Variants in PLXDC2 observed in about 807,000 individuals in gnomAD.
PLXDC2 encodes the protein plexin domain containing 2.
Under a neutral mutation model 68.9 loss-of-function variants are expected in PLXDC2, and 40 were observed. That is an observed-to-expected ratio of 0.58 (90% CI 0.45 to 0.76). The LOEUF (loss-of-function observed/expected upper bound fraction) is 0.76. Among genes scored for constraint, PLXDC2 ranks in the 30% least tolerant of loss-of-function variants. PLXDC2 has a pLI of 0.00. For missense variants in PLXDC2, 644 were observed against 661.9 expected (o/e 0.97, Z 0.30); for synonymous variants, 243 against 234.2 (o/e 1.04, Z -0.34).
intron 2 of PLXDC2, among the ~76,000 whole-genome samples, chr10:20,002,508 G>A (rs563480599): frequency 8.5e-5 from 13 of 152,112 alleles, no homozygotes; most frequent in East Asian, 1.9e-4. Flanking sequence ...ATCCACCCAC[G>A]AAGGCCTCCC....
intron 9 of PLXDC2, among the ~76,000 whole-genome samples, chr10:20,184,984 A>T (rs892037662): frequency 2.0e-5 from 3 of 151,628 alleles, no homozygotes; most frequent in African/African-American, 7.3e-5. Context: ...AACATCACAC[A>T]CTGGGACCCG....
intron 10 of PLXDC2, among the ~76,000 whole-genome samples, chr10:20,213,854 CTCTT>C (rs908508473): frequency 3.9e-5 from 6 of 152,114 alleles, no homozygotes; most frequent in African/African-American, 1.4e-4. Flanking sequence ...CTTCTCCACT[CTCTT>C]TATTTTCACC....
intron 2 of PLXDC2, among the ~76,000 whole-genome samples, chr10:20,017,611 A>C (rs187349931): frequency 1.3e-3 from 191 of 152,336 alleles, no homozygotes; most frequent in African/African-American, 4.2e-3. Flanking sequence ...CTCCGAACAG[A>C]ATTCATCCGA....
At chr10:19,892,911 T>C (rs187623787) in intron 1 of PLXDC2, among the ~76,000 whole-genome samples, 479 of 150,866 alleles carry the variant, frequency 3.2e-3, no homozygotes, top group Admixed American at 7.3e-3. Context: ...GTTGGCCTAG[T>C]TGAAATGGTC....
intron 1 of PLXDC2, among the ~76,000 whole-genome samples, chr10:19,864,657 T>A (rs1837380735): frequency 6.6e-6 from 1 of 152,210 alleles, no homozygotes; most frequent in African/African-American, 2.4e-5. Context: ...TTATTATATG[T>A]GCTACTGTTA....
At chr10:19,887,968 A>G (rs1024502746) in intron 1 of PLXDC2, among the ~76,000 whole-genome samples, 1 of 152,246 alleles carries the variant, frequency 6.6e-6, no homozygotes, top group African/African-American at 2.4e-5. Context: ...TGCACAGCCT[A>G]CATTCTGTCA....
intron 4 of PLXDC2, among the ~76,000 whole-genome samples, chr10:20,124,644 G>A (rs1240929223): frequency 6.6e-6 from 1 of 151,974 alleles, no homozygotes; most frequent in Admixed American, 6.6e-5. Context: ...TCAGCGAAGG[G>A]AGATGGGGGT....
intron 13 of PLXDC2, among the ~76,000 whole-genome samples, chr10:20,264,744 G>A (rs1044704219): frequency 4.0e-5 from 6 of 151,778 alleles, no homozygotes; most frequent in African/African-American, 1.5e-4. Context: ...AATTAAATCA[G>A]ATAAAAATAT....
intron 4 of PLXDC2, among the ~76,000 whole-genome samples, chr10:20,110,194 G>A (rs1291070500): frequency 6.6e-6 from 1 of 152,110 alleles, no homozygotes; most frequent in African/African-American, 2.4e-5. Flanking sequence ...TATGCAAGGA[G>A]GGGTGCTCTC....
At chr10:19,930,509 G>A (rs935632754) in intron 1 of PLXDC2, among the ~76,000 whole-genome samples, 2 of 152,024 alleles carry the variant, frequency 1.3e-5, no homozygotes, top group Admixed American at 1.3e-4. Flanking sequence ...TTTTATTTCA[G>A]GCATACTGGG....
chr10:20,218,183 A>G (rs1835164847), intron 11 of PLXDC2, among the ~76,000 whole-genome samples: 1 of 152,140 alleles, frequency 6.6e-6, no homozygotes, highest in African/African-American at 2.4e-5. Context: ...ATTACCCAAC[A>G]TACGATAATT....
At chr10:20,201,234 A>G (rs1159566464) in intron 9 of PLXDC2, among the ~76,000 whole-genome samples, 2 of 152,126 alleles carry the variant, frequency 1.3e-5, no homozygotes, top group African/African-American at 2.4e-5. Context: ...TTAAAGTAAC[A>G]TGGATGGAAC....
chr10:20,225,301 C>G (rs1241424112), intron 12 of PLXDC2, among the ~76,000 whole-genome samples: 2 of 152,136 alleles, frequency 1.3e-5, no homozygotes, highest in Non-Finnish European at 2.9e-5. Context: ...GTCATTCAGT[C>G]AAATTATTTT....
At chr10:19,903,334 T>A (rs944140270) in intron 1 of PLXDC2, among the ~76,000 whole-genome samples, 11 of 151,584 alleles carry the variant, frequency 7.3e-5, no homozygotes, top group Non-Finnish European at 1.3e-4. Flanking sequence ...TTTTTTTTTT[T>A]AATTACCATT....
intron 1 of PLXDC2, among the ~76,000 whole-genome samples, chr10:19,876,870 C>G (rs1482451050): frequency 2.0e-5 from 3 of 152,010 alleles, no homozygotes; most frequent in Non-Finnish European, 2.9e-5. Flanking sequence ...TTGTTAAACT[C>G]AGATGTTTCA....
At chr10:20,200,022 A>G (rs982632463) in intron 9 of PLXDC2, among the ~76,000 whole-genome samples, 1 of 151,994 alleles carries the variant, frequency 6.6e-6, no homozygotes, top group Non-Finnish European at 1.5e-5. Flanking sequence ...TCTGGCAGTT[A>G]TTTCTTTAAT....
At chr10:20,054,444 A>T (rs115788282) in intron 3 of PLXDC2, among the ~76,000 whole-genome samples, 5,700 of 152,068 alleles carry the variant, frequency 0.037, 148 homozygotes, top group South Asian at 0.067. Flanking sequence ...TGGATGACGG[A>T]TGGAAGAATG....
At chr10:20,146,435 CTT>C (rs1334520762) in intron 5 of PLXDC2, among the ~76,000 whole-genome samples, 1 of 140,210 alleles carries the variant, frequency 7.1e-6, no homozygotes, top group Admixed American at 7.3e-5. Flanking sequence ...CTTTCTTTTT[CTT>C]TCTTTCTTCC....
At chr10:20,274,237 G>A (rs1239904486) in intron 13 of PLXDC2, among the ~76,000 whole-genome samples, 1 of 152,210 alleles carries the variant, frequency 6.6e-6, no homozygotes, top group African/African-American at 2.4e-5. Context: ...AACAGTGAAA[G>A]AAAATAATGC....
Sources: gnomAD v4.1 joint callset for allele counts (sites outside exome capture counted in the v4.1 genomes callset) on GRCh38, gnomAD v4.1.1 for gene constraint, MANE v1.5 for transcripts, NCBI Gene and HGNC (gene_info 2026-07-23, HGNC 2026-07-21) for gene names.